Variants in EDIL3 observed in about 807,000 individuals in gnomAD.
EDIL3 encodes the protein EGF like and discoidin domains 3.
EDIL3 carries 37 observed loss-of-function variants against 67.4 expected under a neutral mutation model. The ratio of observed to expected loss-of-function variants is 0.55; its 90% CI spans 0.42 to 0.72. The LOEUF (loss-of-function observed/expected upper bound fraction) is 0.72. EDIL3 is among the 30% of genes least tolerant of loss of function. The pLI, the probability that EDIL3 is intolerant of heterozygous loss-of-function variation, is 0.00. For missense variants in EDIL3, 527 were observed against 586.3 expected (o/e 0.90, Z 1.04); for synonymous variants, 195 against 196.3 (o/e 0.99, Z 0.05).
At chr5:84,036,058 G>A (rs993623372) in intron 9 of EDIL3, among the ~76,000 whole-genome samples, 2 of 152,158 alleles carry the variant, frequency 1.3e-5, no homozygotes, top group African/African-American at 2.4e-5. Flanking sequence ...TGCAAGTTTG[G>A]TTAAAAATCT....
At chr5:84,132,168 G>A (rs915607892) in intron 5 of EDIL3, among the ~76,000 whole-genome samples, 22 of 148,872 alleles carry the variant, frequency 1.5e-4, no homozygotes, top group Non-Finnish European at 2.5e-4. Context: ...CTGGGAGGTG[G>A]AGGTTGCAGC....
At chr5:84,191,456 A>G (rs547760272) in intron 3 of EDIL3, among the ~76,000 whole-genome samples, 1 of 152,180 alleles carries the variant, frequency 6.6e-6, no homozygotes, top group African/African-American at 2.4e-5. Flanking sequence ...CAGGCAAGTT[A>G]CTGTTTAGAT....
At chr5:84,202,017 T>C (rs772715592) in intron 3 of EDIL3, among the ~76,000 whole-genome samples, 12 of 152,178 alleles carry the variant, frequency 7.9e-5, no homozygotes, top group South Asian at 6.2e-4. Context: ...AGAAAAACAG[T>C]GTGCTAGTCT....
At chr5:84,240,129 T>C (rs577027940) in intron 2 of EDIL3, among the ~76,000 whole-genome samples, 61 of 152,286 alleles carry the variant, frequency 4.0e-4, no homozygotes, top group Non-Finnish European at 7.9e-4. Flanking sequence ...CAACTACCTA[T>C]TAGACCAAGT....
intron 1 of EDIL3, among the ~76,000 whole-genome samples, chr5:84,368,291 T>C (rs1459228795): frequency 2.0e-5 from 3 of 152,202 alleles, no homozygotes; most frequent in Non-Finnish European, 4.4e-5. Context: ...TGGAATAGAA[T>C]AGAAAGCTCA....
chr5:84,267,315 T>C (rs1745370630), intron 1 of EDIL3, among the ~76,000 whole-genome samples: 1 of 152,216 alleles, frequency 6.6e-6, no homozygotes. Flanking sequence ...GCATATGTGA[T>C]CTTCCTTTTG....
At chr5:83,969,128 A>G (rs979161233) in intron 9 of EDIL3, among the ~76,000 whole-genome samples, 1 of 151,688 alleles carries the variant, frequency 6.6e-6, no homozygotes, top group Non-Finnish European at 1.5e-5. Flanking sequence ...TAATATTTCA[A>G]TAGTAATTAT....
At chr5:84,266,905 A>T (rs970414070) in intron 1 of EDIL3, among the ~76,000 whole-genome samples, 2 of 152,168 alleles carry the variant, frequency 1.3e-5, no homozygotes, top group African/African-American at 4.8e-5. Flanking sequence ...TTGTGCCTTC[A>T]CTATGTACCA....
chr5:84,338,274 G>A (rs2112173861), intron 1 of EDIL3, among the ~76,000 whole-genome samples: 1 of 152,180 alleles, frequency 6.6e-6, no homozygotes. Flanking sequence ...AACTTGCTTT[G>A]GCCAATAGAA....
chr5:84,198,137 G>A (rs1743751819), intron 3 of EDIL3, among the ~76,000 whole-genome samples: 4 of 151,910 alleles, frequency 2.6e-5, no homozygotes, highest in Admixed American at 2.6e-4. Flanking sequence ...AACTCTAATG[G>A]TACCAATCTC....
chr5:84,304,866 T>C (rs1746235305), intron 1 of EDIL3, among the ~76,000 whole-genome samples: 2 of 152,246 alleles, frequency 1.3e-5, no homozygotes, highest in Admixed American at 1.3e-4. Flanking sequence ...GCCCTCACTT[T>C]ATATGTGATG....
chr5:84,015,941 G>T (rs1745596908), intron 9 of EDIL3, among the ~76,000 whole-genome samples: 1 of 152,042 alleles, frequency 6.6e-6, no homozygotes, highest in Admixed American at 6.6e-5. Context: ...TTGTTACACA[G>T]GTCAACTTAC....
At chr5:84,169,846 G>T (rs967328162) in intron 4 of EDIL3, among the ~76,000 whole-genome samples, 1 of 152,052 alleles carries the variant, frequency 6.6e-6, no homozygotes, top group Non-Finnish European at 1.5e-5. Flanking sequence ...AAGCTGCTAT[G>T]AGTATCCAGG....
intron 6 of EDIL3, among the ~76,000 whole-genome samples, chr5:84,089,759 C>T (rs1336255954): frequency 5.3e-5 from 8 of 152,164 alleles, no homozygotes; most frequent in Admixed American, 4.6e-4. Flanking sequence ...ATTACCCCTA[C>T]AGATATGCAA....
chr5:84,310,306 C>T (rs960228314), intron 1 of EDIL3, among the ~76,000 whole-genome samples: 4 of 152,030 alleles, frequency 2.6e-5, no homozygotes, highest in Non-Finnish European at 4.4e-5. Flanking sequence ...GTAATTTATC[C>T]AAAGTGTGAG....
intron 9 of EDIL3, among the ~76,000 whole-genome samples, chr5:84,014,513 C>A (rs577868033): frequency 2.6e-5 from 4 of 152,228 alleles, no homozygotes; most frequent in African/African-American, 9.6e-5. Flanking sequence ...GGCATGATGA[C>A]ACGCGCCTGT....
At chr5:83,990,618 C>A (rs934889483) in intron 9 of EDIL3, among the ~76,000 whole-genome samples, 1 of 151,652 alleles carries the variant, frequency 6.6e-6, no homozygotes, top group South Asian at 2.1e-4. Flanking sequence ...CGGTGGCTCA[C>A]GCCTGTAATC....
At chr5:84,217,725 C>A (rs1452468976) in intron 3 of EDIL3, among the ~76,000 whole-genome samples, 1 of 134,030 alleles carries the variant, frequency 7.5e-6, no homozygotes, top group Non-Finnish European at 1.6e-5. Flanking sequence ...CACACAAACA[C>A]ACACACACAC....
rs189407523 is a variant in EDIL3, at chr5:84,168,452, T to C, written c.355+11941A>G. Among the ~76,000 whole-genome samples, 3 of 152,278 alleles carry C rather than the reference T, an allele frequency of 2.0e-5. No homozygotes were observed. In the East Asian group the frequency reaches 5.8e-4, roughly 29 times the overall value. ...GTACCTGTACATACCTATATATGTA[T>C]GAACATATACATTATTTCTCTTTAA... On this transcript the variant is annotated intron_variant, in intron 4 of 10. Transcript: ENST00000296591.
Sources: allele counts gnomAD v4.1 joint callset (sites outside exome capture counted in the v4.1 genomes callset), GRCh38; gene constraint gnomAD v4.1.1; transcripts MANE v1.5; gene names NCBI Gene and HGNC (gene_info 2026-07-23, HGNC 2026-07-21).